Variants in NKAIN3 observed in about 807,000 individuals in gnomAD.
NKAIN3 encodes sodium/potassium-transporting ATPase subunit beta-1-interacting protein 3.
Under a neutral mutation model 30.2 loss-of-function variants are expected in NKAIN3, and 25 were observed. The observed-to-expected ratio is 0.83, with a 90% CI of 0.60 to 1.16. NKAIN3 has a LOEUF of 1.16. Among genes scored for constraint, NKAIN3 ranks in the 50% most tolerant of loss-of-function variants. The pLI is 0.00. For missense variants in NKAIN3, 225 were observed against 254.1 expected (o/e 0.89, Z 0.78); for synonymous variants, 91 against 89.6 (o/e 1.02, Z -0.09).
chr8:62,985,147 C>T (rs748952474), downstream of NKAIN3, among the ~76,000 whole-genome samples: 4 of 152,218 alleles, frequency 2.6e-5, no homozygotes, highest in Non-Finnish European at 4.4e-5. Flanking sequence ...GGTGATGCCA[C>T]TGCCCACTGC....
intron 1 of NKAIN3, among the ~76,000 whole-genome samples, chr8:62,312,360 G>T (rs1035858622): frequency 6.6e-6 from 1 of 150,724 alleles, no homozygotes; most frequent in East Asian, 1.9e-4. Flanking sequence ...AGGCTCTTAA[G>T]CAAAAAATAT....
intron 3 of NKAIN3, among the ~76,000 whole-genome samples, chr8:62,738,524 A>G (rs1815750281): frequency 6.7e-6 from 1 of 148,440 alleles, no homozygotes; most frequent in Non-Finnish European, 1.5e-5. Flanking sequence ...GCTTGGACCT[A>G]GGAGGCATAG....
intron 4 of NKAIN3, among the ~76,000 whole-genome samples, chr8:62,836,977 G>C (rs115227138): frequency 6.6e-6 from 1 of 152,056 alleles, no homozygotes; most frequent in African/African-American, 2.4e-5. Context: ...ATTATTAAAG[G>C]GAGTAAATGC....
chr8:62,259,736 A>C (rs117455634), intron 1 of NKAIN3, among the ~76,000 whole-genome samples: 2,087 of 152,330 alleles, frequency 0.014, 14 homozygotes, highest in Middle Eastern at 0.024. Flanking sequence ...AAACAAAAAA[A>C]ATCAGATGAA....
At chr8:62,679,313 C>A (rs1813577833) in intron 3 of NKAIN3, among the ~76,000 whole-genome samples, 1 of 149,800 alleles carries the variant, frequency 6.7e-6, no homozygotes, top group Non-Finnish European at 1.5e-5. Flanking sequence ...GGGACACATC[C>A]AGAGTTTGTA....
chr8:62,398,466 T>C (rs1323577194), intron 1 of NKAIN3, among the ~76,000 whole-genome samples: 1 of 152,242 alleles, frequency 6.6e-6, no homozygotes, highest in Non-Finnish European at 1.5e-5. Flanking sequence ...CTTTGGCAGT[T>C]CTGCAAGAAC....
intron 3 of NKAIN3, among the ~76,000 whole-genome samples, chr8:62,644,336 A>G (rs966439389): frequency 6.6e-6 from 1 of 152,084 alleles, no homozygotes; most frequent in Admixed American, 6.6e-5. Context: ...TCAGTGTACC[A>G]TCTTTTCTTT....
In NKAIN3 at chr8:62,971,096, G is replaced by A. The variant is rs1019979256; in HGVS notation, c.*5689G>A. ...TCTCATTGCTTCATCCTCTGTGGCC[G>A]CCATTTTTAAGACCATAACATGACT... On this transcript the variant is annotated 3_prime_UTR_variant, in exon 7 of 7. Transcript: ENST00000623646. Among the ~76,000 whole-genome samples the A allele has an allele frequency of 1.3e-5, 2 of 152,000 alleles. No individual in the cohort carries two copies. Among genetic ancestry groups the A allele is most frequent in the African/African-American group, 4.8e-5 (2 of 41,364 alleles).
intron 1 of NKAIN3, among the ~76,000 whole-genome samples, chr8:62,558,438 T>C (rs1401620316): frequency 1.3e-5 from 2 of 152,144 alleles, no homozygotes; most frequent in Admixed American, 1.3e-4. Flanking sequence ...TTTCTAGTTA[T>C]GTGAAGAATG....
chr8:62,430,512 G>A (rs957231269), intron 1 of NKAIN3, among the ~76,000 whole-genome samples: 2 of 151,302 alleles, frequency 1.3e-5, no homozygotes, highest in Admixed American at 6.6e-5. Context: ...TTGATGAACC[G>A]CAATACTGTT....
At chr8:62,403,612 G>T (rs1233570260) in intron 1 of NKAIN3, among the ~76,000 whole-genome samples, 1 of 152,224 alleles carries the variant, frequency 6.6e-6, no homozygotes, top group Non-Finnish European at 1.5e-5. Flanking sequence ...TATTGGTCCT[G>T]AGGGTGCACA....
intron 1 of NKAIN3, among the ~76,000 whole-genome samples, chr8:62,534,579 C>T (rs954839252): frequency 2.6e-5 from 4 of 152,164 alleles, no homozygotes; most frequent in Non-Finnish European, 5.9e-5. Flanking sequence ...CATAACACAG[C>T]GGTTTTCATA....
chr8:62,735,345 CCTTTCTTT>C (rs1222540572), intron 3 of NKAIN3, among the ~76,000 whole-genome samples: 30 of 115,660 alleles, frequency 2.6e-4, no homozygotes, highest in African/African-American at 6.2e-4. Flanking sequence ...AATTCAAAAA[CCTTTCTTT>C]CTTTCTTTCT....
At position 62,345,564 on chromosome 8, in the gene NKAIN3, CAT is replaced by C. The variant is rs1178614583; in HGVS notation, c.54+96443_54+96444del. On this transcript the variant is annotated intron_variant, in intron 1 of 6. Transcript: ENST00000623646. ...ATATACACATATATGTATATATACA[CAT>C]ATATACACATATATGTATATACACA... Among the ~76,000 whole-genome samples the C allele has an allele frequency of 6.8e-5, 9 of 133,052 alleles. No homozygotes were observed. The East Asian group carries it at 1.8e-3, about 26-fold the overall frequency. 87.3% of individuals were successfully genotyped at this position (133,052 alleles called of 152,430 possible).
chr8:62,979,851 A>T lies in NKAIN3; in HGVS notation c.*14444A>T, dbSNP rs1487733775. 4 of 152,240 alleles carry T rather than the reference A, an allele frequency of 2.6e-5. No homozygotes were observed. In the East Asian group the frequency reaches 5.8e-4, roughly 22 times the overall value. 9.4% of individuals were successfully genotyped at this position (152,240 alleles called of 1,614,324 possible). On this transcript the variant is annotated 3_prime_UTR_variant, in exon 7 of 7. Transcript: ENST00000623646. ...TGCCTGCGTTTGTTTGGACCCTGCT[A>T]ATCAAGGCTACAGGGCAGCTGCAGA... is the stretch of plus-strand genomic sequence containing the variant.
chr8:62,570,450 A>G (rs1809899151), intron 1 of NKAIN3, among the ~76,000 whole-genome samples: 1 of 152,152 alleles, frequency 6.6e-6, no homozygotes, highest in Non-Finnish European at 1.5e-5. Context: ...GGTTTATTGG[A>G]CTTACAGTTC....
chr8:62,864,203 C>T, intron 4 of NKAIN3: 3 of 669,258 alleles, frequency 4.5e-6, no homozygotes, highest in Non-Finnish European at 7.7e-6. Context: ...TGGCGGATGG[C>T]GAATACTGCG....
intron 1 of NKAIN3, among the ~76,000 whole-genome samples, chr8:62,448,623 T>C (rs1805553552): frequency 6.6e-6 from 1 of 151,982 alleles, no homozygotes; most frequent in Admixed American, 6.6e-5. Context: ...TCAGATATTC[T>C]AAAGGGTATT....
At chr8:62,991,349 G>A in intron 5 of NKAIN3, among the ~76,000 whole-genome samples, 1 of 152,166 alleles carries the variant, frequency 6.6e-6, no homozygotes, top group East Asian at 1.9e-4. Flanking sequence ...GCAAATACTA[G>A]GAACTGCATG....
Sources: gnomAD v4.1 joint callset for allele counts (sites outside exome capture counted in the v4.1 genomes callset) on GRCh38, gnomAD v4.1.1 for gene constraint, MANE v1.5 for transcripts, NCBI Gene and HGNC (gene_info 2026-07-23, HGNC 2026-07-21) for gene names.